The following ATP8A2 variants were observed in gnomAD, a reference collection of about 807,000 sequenced individuals.
The protein encoded by ATP8A2 is ATPase phospholipid transporting 8A2.
Under a neutral mutation model 165.6 loss-of-function variants are expected in ATP8A2, and 100 were observed. That is an observed-to-expected ratio of 0.60 (90% CI 0.51 to 0.71). The LOEUF (loss-of-function observed/expected upper bound fraction) is 0.71, where lower values mean the gene tolerates loss of function less well. Ranked by LOEUF, ATP8A2 falls within the 30% of genes least tolerant of loss-of-function variation. The probability of loss-of-function intolerance (pLI) is 0.00; values close to 1 mark genes in which losing one functional copy is unlikely to be tolerated. For missense variants in ATP8A2, 1,227 were observed against 1,479.5 expected (o/e 0.83, Z 2.80); for synonymous variants, 543 against 548.8 (o/e 0.99, Z 0.15).
chr13:25,592,767 A>G (rs1433125461), intron 24 of ATP8A2, among the ~76,000 whole-genome samples: 3 of 152,182 alleles, frequency 2.0e-5, no homozygotes, highest in South Asian at 2.1e-4. Context: ...TTAACTCTAC[A>G]TACACATTGA....
intron 25 of ATP8A2, among the ~76,000 whole-genome samples, chr13:25,747,809 C>G (rs976194370): frequency 6.6e-6 from 1 of 152,160 alleles, no homozygotes; most frequent in South Asian, 2.1e-4. Flanking sequence ...AACACATTGA[C>G]TAAAATAACA....
At chr13:25,662,856 T>G (rs1014204151) in intron 24 of ATP8A2, among the ~76,000 whole-genome samples, 5 of 152,212 alleles carry the variant, frequency 3.3e-5, no homozygotes, top group Admixed American at 2.0e-4. Flanking sequence ...AGAATATCAA[T>G]GAGATCTTTA....
intron 2 of ATP8A2, among the ~76,000 whole-genome samples, chr13:25,494,121 G>A (rs2137658513): frequency 6.6e-6 from 1 of 152,220 alleles, no homozygotes; most frequent in African/African-American, 2.4e-5. Context: ...CCAGGATGGT[G>A]CATGGGGCAG....
chr13:25,900,975 C>T (rs1483679349), intron 33 of ATP8A2, among the ~76,000 whole-genome samples: 1 of 152,198 alleles, frequency 6.6e-6, no homozygotes, highest in Admixed American at 6.5e-5. Context: ...GGAAGAAAAG[C>T]CCATGCGTTG....
chr13:25,383,741 C>T (rs1314418945), intron 1 of ATP8A2, among the ~76,000 whole-genome samples: 1 of 152,164 alleles, frequency 6.6e-6, no homozygotes, highest in East Asian at 1.9e-4. Context: ...TTGTCCCTAA[C>T]AATGGCTAGA....
intron 30 of ATP8A2, among the ~76,000 whole-genome samples, chr13:25,845,057 T>A (rs943096515): frequency 3.3e-5 from 5 of 152,242 alleles, no homozygotes; most frequent in African/African-American, 4.8e-5. Context: ...TTTGTGATGA[T>A]TCATTTCAAA....
In ATP8A2 at chr13:25,831,961, C is replaced by T. The variant is rs1341835541; in HGVS notation, c.2754+3769C>T. 5.3e-5 allele frequency among the ~76,000 whole-genome samples: 8 copies of T among 151,510 alleles called. No individual in the cohort carries two copies. In the East Asian group the frequency reaches 5.9e-4, roughly 11 times the overall value. On this transcript the variant is annotated intron_variant, in intron 28 of 36. Transcript: ENST00000381655. ...TTATTTTTTTTTATTTTTTTTGAGA[C>T]AGAGTTTCACTCCTGTTGCCCAGGC...
At chr13:25,910,484 T>C (rs564801958) in intron 33 of ATP8A2, among the ~76,000 whole-genome samples, 3 of 152,216 alleles carry the variant, frequency 2.0e-5, no homozygotes, top group Admixed American at 1.3e-4. Context: ...AGAACTGCAG[T>C]ATGGTCAAAG....
intron 28 of ATP8A2, among the ~76,000 whole-genome samples, chr13:25,831,197 T>C (rs1566182402): frequency 1.3e-5 from 2 of 150,414 alleles, no homozygotes; most frequent in Non-Finnish European, 2.9e-5. Flanking sequence ...AGCAAGTCGT[T>C]GTTCCTCAAA....
At chr13:25,892,121 G>T (rs561729670) in intron 33 of ATP8A2, among the ~76,000 whole-genome samples, 1 of 151,666 alleles carries the variant, frequency 6.6e-6, no homozygotes, top group Non-Finnish European at 1.5e-5. Context: ...GACTACAGGC[G>T]CCCGCCACCA....
intron 25 of ATP8A2, among the ~76,000 whole-genome samples, chr13:25,763,747 G>A (rs541138156): frequency 1.3e-5 from 2 of 152,292 alleles, no homozygotes; most frequent in Admixed American, 6.5e-5. Flanking sequence ...GTTTGGATCC[G>A]AGCACAGATG....
In ATP8A2 at chr13:25,971,034, G is replaced by GCA. The variant is rs886764636; in HGVS notation, c.3377+2360_3377+2361dup. Among the ~76,000 whole-genome samples, 69 of 151,994 alleles carry GCA rather than the reference G, an allele frequency of 4.5e-4. 1 individual carries two copies. Among genetic ancestry groups the GCA allele is most frequent in the African/African-American group, 1.6e-3 (67 of 41,366 alleles). ...TGTGTGTTTCTGTGCACGTGTGCGC[G>GCA]CACACATGCACGGGTGGGCCTGCAT... On this transcript the variant is annotated intron_variant, in intron 35 of 36. Coordinates refer to ENST00000381655, the MANE Select transcript of ATP8A2 (RefSeq NM_016529.6).
chr13:25,831,339 C>G (rs1412589761), intron 28 of ATP8A2, among the ~76,000 whole-genome samples: 5 of 151,760 alleles, frequency 3.3e-5, no homozygotes, highest in Non-Finnish European at 7.4e-5. Flanking sequence ...CTCAGCCTCC[C>G]AAGTAGCTGG....
intron 28 of ATP8A2, among the ~76,000 whole-genome samples, chr13:25,830,243 G>T (rs1951428233): frequency 6.6e-6 from 1 of 151,928 alleles, no homozygotes; most frequent in Non-Finnish European, 1.5e-5. Context: ...AAACTCCTGG[G>T]CTCAAGCAGT....
At chr13:25,634,772 T>C (rs966101575) in intron 24 of ATP8A2, among the ~76,000 whole-genome samples, 57 of 152,174 alleles carry the variant, frequency 3.7e-4, no homozygotes, top group African/African-American at 1.3e-3. Flanking sequence ...TCTAAATCTG[T>C]TCAAGTTTAT....
At position 25,372,216 on chromosome 13, in the gene ATP8A2, C is replaced by T; in HGVS notation, c.4C>T (p.Leu2=). 6.9e-7 allele frequency: 1 copy of T among 1,445,702 alleles called. No homozygotes were observed. The highest frequency in any genetic ancestry group is 9.2e-7 in the Non-Finnish European group (1 of 1,090,264). The allele number at this position is 1,445,702 out of a possible 1,614,324, so 89.6% of individuals were successfully genotyped here. A position where few individuals can be genotyped will look rare whatever the true frequency, so the allele number is the denominator to read the frequency against. The change falls in exon 1 of 37, where the codon CTG becomes TTG. Residue 2 remains leucine, a synonymous_variant. Transcript: ENST00000381655. This position sits in a 1 kb window ranked among gnomAD's most constrained non-coding sequence, Gnocchi z 4.8. M[L]NGAGLDKALK... ...CCGAGCCCCCGACACGGGCGAGATG[C>T]TGAACGGCGCAGGCCTGGACAAAGC...
intron 25 of ATP8A2, among the ~76,000 whole-genome samples, chr13:25,731,074 G>A (rs4770867): frequency 0.78 from 111,588 of 142,546 alleles, 44,326 homozygotes; most frequent in Middle Eastern, 0.87. Flanking sequence ...GGAGAGGGGA[G>A]GAAAAGAAAA....
At chr13:25,470,383 T>TA (rs1343224890) in intron 2 of ATP8A2, among the ~76,000 whole-genome samples, 2 of 152,222 alleles carry the variant, frequency 1.3e-5, no homozygotes, top group Non-Finnish European at 2.9e-5. Flanking sequence ...CGCAGTGAGT[T>TA]ACCACTTCAC....
intron 2 of ATP8A2, among the ~76,000 whole-genome samples, chr13:25,512,882 C>T (rs1566203690): frequency 6.9e-6 from 1 of 145,450 alleles, no homozygotes; most frequent in Admixed American, 6.7e-5. Flanking sequence ...CCCTCACCTC[C>T]CGGACGGGGT....
Sources: allele counts gnomAD v4.1 joint callset (sites outside exome capture counted in the v4.1 genomes callset), GRCh38; gene constraint gnomAD v4.1.1; non-coding constraint Gnocchi (gnomAD v3.1); transcripts MANE v1.5; gene names NCBI Gene and HGNC (gene_info 2026-07-23, HGNC 2026-07-21).